Variants in CAMTA1 observed in about 807,000 individuals in gnomAD.
The protein encoded by CAMTA1 is calmodulin binding transcription activator 1.
In CAMTA1, 27 loss-of-function variants were observed where a neutral mutation model predicts 170.9. That is an observed-to-expected ratio of 0.16 (90% CI 0.12 to 0.22). The LOEUF is 0.22. CAMTA1 is among the 10% of genes least tolerant of loss of function. The pLI is 1.00. For missense variants in CAMTA1, 1,619 were observed against 2,217.2 expected (o/e 0.73, Z 5.42); for synonymous variants, 833 against 891.5 (o/e 0.93, Z 1.17).
chr1:7,412,670 A>C (rs953856782), intron 5 of CAMTA1, among the ~76,000 whole-genome samples: 33 of 152,066 alleles, frequency 2.2e-4, no homozygotes, highest in African/African-American at 7.7e-4. Context: ...TTGTCAGATG[A>C]GTAGGTTGCG....
chr1:6,799,344 C>T (rs942660294), intron 1 of CAMTA1, among the ~76,000 whole-genome samples: 2 of 152,022 alleles, frequency 1.3e-5, no homozygotes, highest in Non-Finnish European at 2.9e-5. Flanking sequence ...GCCAGGCTTA[C>T]AGGCATGAGC....
At chr1:7,087,717 T>C (rs1222810618) in intron 3 of CAMTA1, among the ~76,000 whole-genome samples, 1 of 152,220 alleles carries the variant, frequency 6.6e-6, no homozygotes, top group Non-Finnish European at 1.5e-5. Context: ...ATGGTTCCTA[T>C]TTCATAGTTT....
At chr1:7,053,329 C>T (rs1186396957) in intron 3 of CAMTA1, among the ~76,000 whole-genome samples, 2 of 152,198 alleles carry the variant, frequency 1.3e-5, no homozygotes, top group Non-Finnish European at 2.9e-5. Context: ...AGAGCTTCAT[C>T]GAAGCTCTAT....
At chr1:7,539,080 G>A (rs1575883046) in intron 6 of CAMTA1, among the ~76,000 whole-genome samples, 1 of 152,238 alleles carries the variant, frequency 6.6e-6, no homozygotes, top group Admixed American at 6.5e-5. Context: ...AGGGTTGCAA[G>A]CACAGAGCCC....
At chr1:6,963,287 C>A (rs1228911649) in intron 3 of CAMTA1, among the ~76,000 whole-genome samples, 3 of 58,400 alleles carry the variant, frequency 5.1e-5, no homozygotes, top group Non-Finnish European at 8.1e-5. Context: ...CCCCCCCCCC[C>A]GCTTTCCATC....
intron 3 of CAMTA1, among the ~76,000 whole-genome samples, chr1:6,995,654 A>G (rs1336798778): frequency 1.3e-5 from 2 of 152,160 alleles, no homozygotes; most frequent in African/African-American, 4.8e-5. Context: ...AATCATTATT[A>G]TTCAAGTATG....
At chr1:7,628,981 G>T (rs1408063850) in intron 6 of CAMTA1, among the ~76,000 whole-genome samples, 1 of 152,214 alleles carries the variant, frequency 6.6e-6, no homozygotes, top group East Asian at 1.9e-4. Context: ...GCTGGGCCAG[G>T]GCTGCATGCC....
Position 7,477,650 on chromosome 1 carries a change from T to TAGA in CAMTA1, c.510+9753_510+9755dup, listed in dbSNP as rs199575789. On this transcript the variant is annotated intron_variant, in intron 6 of 22. Coordinates refer to ENST00000303635, the MANE Select transcript of CAMTA1 (RefSeq NM_015215.4). Reference sequence around the variant, plus strand: ...CTGAGAAAAGTCACTGGGCATTTTCTAGAAGATTCCCTCTTCCCGATTCCT... The same window carrying TAGA: ...CTGAGAAAAGTCACTGGGCATTTTCTAGAAGAAGATTCCCTCTTCCCGATTCCT... Among the ~76,000 whole-genome samples, 522 of 152,334 alleles carry TAGA rather than the reference T, an allele frequency of 3.4e-3. 4 individuals carry two copies. The highest frequency in any genetic ancestry group is 0.012 in the African/African-American group (496 of 41,566).
intron 1 of CAMTA1, among the ~76,000 whole-genome samples, chr1:6,791,693 T>C (rs1181863246): frequency 6.6e-6 from 1 of 152,260 alleles, no homozygotes; most frequent in African/African-American, 2.4e-5. Context: ...GCTCTGCTAC[T>C]TTGTCTGTGT....
chr1:6,825,321 A>G, intron 3 of CAMTA1, 111 bp downstream of exon 3: 1 of 594,296 alleles, frequency 1.7e-6, no homozygotes. Context: ...CTGATCTAGG[A>G]AATTGTAAAT....
intron 6 of CAMTA1, among the ~76,000 whole-genome samples, chr1:7,543,069 G>T (rs910864221): frequency 2.0e-5 from 3 of 152,034 alleles, no homozygotes; most frequent in Non-Finnish European, 2.9e-5. Flanking sequence ...GGGTTTCACC[G>T]TGTTAGCCAG....
rs1196652419 is a variant in CAMTA1, at chr1:7,010,833, C to T, written c.235-80471C>T. Among the ~76,000 whole-genome samples the T allele has an allele frequency of 3.3e-5, 5 of 152,304 alleles. No homozygotes were observed. In the East Asian group the frequency reaches 9.6e-4, roughly 29 times the overall value. On this transcript the variant is annotated intron_variant, in intron 3 of 22. Coordinates refer to ENST00000303635, the MANE Select transcript of CAMTA1 (RefSeq NM_015215.4). This position sits in a 1 kb window ranked among gnomAD's most constrained non-coding sequence, Gnocchi z 4.4. ...ACCTTCCTTCCATTTCAGCAGAACC[C>T]TCTGGAGTGGAGCAAGCGATGGGAA... is the stretch of plus-strand genomic sequence containing the variant.
At chr1:7,053,222 T>C (rs1442789756) in intron 3 of CAMTA1, among the ~76,000 whole-genome samples, 1 of 152,176 alleles carries the variant, frequency 6.6e-6, no homozygotes, top group Non-Finnish European at 1.5e-5. Context: ...TGGCAGCTTC[T>C]TTTCCTTCCT....
intron 4 of CAMTA1, among the ~76,000 whole-genome samples, chr1:7,100,907 A>G (rs550349872): frequency 1.3e-5 from 2 of 152,268 alleles, no homozygotes; most frequent in South Asian, 4.1e-4. Context: ...CTGGGACAAA[A>G]GCCTTCGCGG....
Position 7,593,085 on chromosome 1 carries a change from C to T in CAMTA1, c.511-47315C>T, listed in dbSNP as rs115381062. Among the ~76,000 whole-genome samples the T allele has an allele frequency of 4.0e-3, 606 of 152,284 alleles. 4 individuals carry two copies. The highest frequency in any genetic ancestry group is 0.014 in the African/African-American group (585 of 41,552). ...CTGAGCCTGTTAAAGCTCCTTCATG[C>T]CACTCCACTCTGGGGCAGTGATTTC... On this transcript the variant is annotated intron_variant, in intron 6 of 22. Transcript: ENST00000303635.
chr1:7,139,681 G>T (rs900003848), intron 4 of CAMTA1, among the ~76,000 whole-genome samples: 1 of 152,210 alleles, frequency 6.6e-6, no homozygotes, highest in Non-Finnish European at 1.5e-5. Flanking sequence ...TTGGCGACTA[G>T]GTAGTGTGTG....
At chr1:7,031,716 AT>A (rs563527195) in intron 3 of CAMTA1, among the ~76,000 whole-genome samples, 16 of 151,416 alleles carry the variant, frequency 1.1e-4, no homozygotes, top group Middle Eastern at 3.4e-3. Context: ...ATTTTTTTGT[AT>A]TTTTTAGTAG....
In CAMTA1 at chr1:7,164,703, G is replaced by C. The variant is rs113257124; in HGVS notation, c.302+73332G>C. Among the ~76,000 whole-genome samples the C allele has an allele frequency of 2.7e-3, 404 of 152,352 alleles. 2 individuals are homozygous for C. The highest frequency in any genetic ancestry group is 4.4e-3 in the Non-Finnish European group (296 of 68,034). The stretch of plus-strand genomic sequence containing the variant: ...GATCATTTGAAAATTCAAATTATTT[G>C]TTCCTTGTTTTTGCAGCGTTTCAGC... On this transcript the variant is annotated intron_variant, in intron 4 of 22. Coordinates refer to ENST00000303635, the MANE Select transcript of CAMTA1 (RefSeq NM_015215.4).
intron 1 of CAMTA1, among the ~76,000 whole-genome samples, chr1:6,791,222 T>G (rs1037474552): frequency 6.6e-6 from 1 of 151,558 alleles, no homozygotes; most frequent in African/African-American, 2.4e-5. Context: ...AGAGGTTTCT[T>G]CACTGACCTG....
Sources: gnomAD v4.1 joint callset for allele counts (sites outside exome capture counted in the v4.1 genomes callset) on GRCh38, gnomAD v4.1.1 for gene constraint, Gnocchi (gnomAD v3.1) non-coding constraint, MANE v1.5 for transcripts, NCBI Gene and HGNC (gene_info 2026-07-23, HGNC 2026-07-21) for gene names.